The following LOXL4 variants were observed in gnomAD, a reference collection of about 807,000 sequenced individuals.
The protein encoded by LOXL4 is lysyl oxidase like 4, also known as lysyl oxidase homolog 4.
A neutral mutation model predicts 89.1 loss-of-function variants in LOXL4; 72 were observed. The ratio of observed to expected loss-of-function variants is 0.81; its 90% CI spans 0.67 to 0.98. LOXL4 has a LOEUF of 0.98. Among genes scored for constraint, LOXL4 ranks in the 50% least tolerant of loss-of-function variants. The pLI is 0.00. For synonymous variants in LOXL4, 355 were observed against 392.1 expected (o/e 0.91, Z 1.12); for missense variants, 984 against 1,017.5 (o/e 0.97, Z 0.45).
chr10:98,248,959 G>C lies in LOXL4; in HGVS notation c.2233C>G (p.Leu745Val). The C allele has an allele frequency of 6.2e-7, 1 of 1,614,038 alleles. No homozygotes were observed. The highest frequency in any genetic ancestry group is 8.5e-7 in the Non-Finnish European group (1 of 1,180,004). ...NSYPANAELS[L>V]EQEQRLRNNL... ...TTCCTGAGACGCTGTTCCTGCTCCA[G>C]GGAGAGTTCTGCATTGGCTGGGTAT... Residue 745 changes from leucine to valine, a missense_variant, in exon 15 of 15, where the codon CTG becomes GTG. Physicochemically the swap from Leu to Val is conservative, Grantham distance 32. Transcript: ENST00000260702.
Position 98,253,629 on chromosome 10 carries a change from G to C in LOXL4, c.1759C>G (p.Gln587Glu). 2 of 1,614,210 alleles carry C rather than the reference G, an allele frequency of 1.2e-6. No homozygotes were observed. Among genetic ancestry groups the C allele is most frequent in the East Asian group, 2.2e-5 (1 of 44,882 alleles). The change falls in exon 11 of 15, where the codon CAG becomes GAG. Residue 587 changes from glutamine (Q) to glutamate (E), a missense_variant. Transcript: ENST00000260702. ...TCAGTCCGGCCCAGATTGTAGATCT[G>C]TGTGGAGAAGCGCAATAGGCGGCGG... ...GYRRLLRFST[Q>E]IYNLGRTDFR...
Position 98,263,057 on chromosome 10 carries a change from G to A in LOXL4, c.-32-6C>T. 1 of 1,601,982 alleles carries A rather than the reference G, an allele frequency of 6.2e-7. No individual in the cohort carries two copies. On this transcript the variant is annotated splice_region_variant and splice_polypyrimidine_tract_variant and intron_variant, in intron 1 of 14. Transcript: ENST00000260702. ...GACAGCTGAGGCCAAGATACCTGAG[G>A]AATGAGTAAACATGACAGTGATCAC...
rs779842168 is a variant in LOXL4 at position 98,262,110 on chromosome 10, G to A, written c.381C>T (p.Asp127=). 8 of 1,613,198 alleles carry A rather than the reference G, an allele frequency of 5.0e-6. No individual in the cohort carries two copies. The highest frequency in any genetic ancestry group is 2.2e-5 in the South Asian group (2 of 91,036). The change falls in exon 3 of 15, where the codon GAC becomes GAT. Residue 127 remains aspartate, a synonymous_variant. Transcript: ENST00000260702. ...WGVSDCSHSE[D]VGVICHPRRH... ...GCCGGGGGTGGCATATCACCCCTAC[G>A]TCTTCTGAGTGACTGCAGTCACTGA...
intron 2 of LOXL4, 93 bp from the exon 3 acceptor site, chr10:98,262,306 C>G: frequency 3.0e-6 from 4 of 1,346,396 alleles, no homozygotes; most frequent in Non-Finnish European, 4.1e-6. Flanking sequence ...CAAGTCACCT[C>G]TTCCAAACCC....
intron 10 of LOXL4, among the ~76,000 whole-genome samples, chr10:98,255,189 T>A (rs1858320299): frequency 6.6e-6 from 1 of 152,226 alleles, no homozygotes; most frequent in African/African-American, 2.4e-5. Context: ...GCTTTCAAAC[T>A]GCTTTTCTGA....
Position 98,259,094 on chromosome 10 carries a change from C to A in LOXL4, c.836G>T (p.Gly279Val), listed in dbSNP as rs1459580051. ...RGKLRPACPG[G>V]MHAVVSCVAG... ...CACACAGCTGACCACAGCGTGCATG[C>A]CACCTGGGCAGGCTGGCCGCAGCTT... is the stretch of plus-strand genomic sequence containing the variant. Residue 279 changes from glycine to valine, a missense_variant, in exon 6 of 15, where the codon GGC (glycine) becomes GTC (valine). Coordinates refer to ENST00000260702, the MANE Select transcript of LOXL4 (RefSeq NM_032211.7). The A allele has an allele frequency of 6.3e-7, 1 of 1,599,984 alleles. No homozygotes were observed. Among genetic ancestry groups the A allele is most frequent in the African/African-American group, 1.3e-5 (1 of 74,832 alleles).
intron 11 of LOXL4, among the ~76,000 whole-genome samples, chr10:98,252,785 C>T (rs796716551): frequency 1.3e-5 from 2 of 152,160 alleles, no homozygotes; most frequent in Non-Finnish European, 2.9e-5. Context: ...GGCGGGGCAC[C>T]GGGTCTGTGA....
chr10:98,266,356 C>T (rs1858688439), intron 1 of LOXL4, among the ~76,000 whole-genome samples: 1 of 152,214 alleles, frequency 6.6e-6, no homozygotes, highest in African/African-American at 2.4e-5. Flanking sequence ...GGGGGTGGCA[C>T]TAGACAGCCC....
At position 98,248,937 on chromosome 10, in the gene LOXL4, C is replaced by G. The variant is rs200213822; in HGVS notation, c.2255G>C (p.Arg752Thr). The change falls in exon 15 of 15, where the codon AGG becomes ACG. Residue 752 changes from arginine to threonine, a missense_variant. Arg to Thr is a moderately conservative substitution (Grantham distance 71, BLOSUM62 -1). Coordinates refer to ENST00000260702, the MANE Select transcript of LOXL4 (RefSeq NM_032211.7). ...GTGACAGCTTCAGATGAGGTTGTTC[C>G]TGAGACGCTGTTCCTGCTCCAGGGA... ...ELSLEQEQRL[R>T]NNLI 47 of 1,613,706 alleles carry G rather than the reference C, an allele frequency of 2.9e-5. No individual in the cohort carries two copies. Among genetic ancestry groups the G allele is most frequent in the South Asian group, 7.7e-5 (7 of 90,902 alleles).
chr10:98,256,723 T>C (rs1473824622), intron 9 of LOXL4, 57 bp downstream of exon 9: 3 of 1,601,376 alleles, frequency 1.9e-6, no homozygotes, highest in African/African-American at 2.7e-5. Context: ...CAGGAAGTTT[T>C]GGGCCTCAGA....
chr10:98,250,490 T>A (rs1473002059), intron 14 of LOXL4, among the ~76,000 whole-genome samples: 1 of 152,194 alleles, frequency 6.6e-6, no homozygotes, highest in African/African-American at 2.4e-5. Context: ...GCATATCCCA[T>A]AGCAAATATG....
At position 98,260,907 on chromosome 10, in the gene LOXL4, C is replaced by T; in HGVS notation, c.662+15G>A. 6.3e-7 allele frequency: 1 copy of T among 1,596,970 alleles called. No homozygotes were observed. The highest frequency in any genetic ancestry group is 8.5e-7 in the Non-Finnish European group (1 of 1,171,928). ...ACCCTGCCTCCTGTGGGGCCTACGCCAGCCGCCCTCCTACCTGTAGTAGTG... is the reference window on the plus strand; with the variant it reads ...ACCCTGCCTCCTGTGGGGCCTACGCTAGCCGCCCTCCTACCTGTAGTAGTG... On this transcript the variant is annotated intron_variant, in intron 4 of 14. Coordinates refer to ENST00000260702, the MANE Select transcript of LOXL4 (RefSeq NM_032211.7).
intron 4 of LOXL4, 106 bp downstream of exon 4, chr10:98,260,816 C>T: frequency 8.3e-7 from 1 of 1,209,572 alleles, no homozygotes; most frequent in South Asian, 1.4e-5. Context: ...AGTCCACACT[C>T]AGACTCATGC....
chr10:98,262,713 C>T lies in LOXL4; in HGVS notation c.277+30G>A, dbSNP rs757517720. On this transcript the variant is annotated intron_variant, in intron 2 of 14. Transcript: ENST00000260702. ...CAAGAAGACTGTTACCATCTCCTTG[C>T]CATCCCACTAGGTGGCACCAGTCAC... The T allele has an allele frequency of 1.1e-5, 18 of 1,596,546 alleles. No individual in the cohort carries two copies. In the South Asian group the frequency reaches 1.9e-4, roughly 17 times the overall value.
Position 98,251,689 on chromosome 10 carries a change from G to A in LOXL4, c.1965C>T (p.Arg655=), listed in dbSNP as rs1322985435. The A allele has an allele frequency of 6.2e-7, 1 of 1,614,236 alleles. No homozygotes were observed. Among genetic ancestry groups the A allele is most frequent in the Non-Finnish European group, 8.5e-7 (1 of 1,180,048 alleles). The change falls in exon 13 of 15, where the codon CGC becomes CGT. Residue 655 remains arginine (R), a synonymous_variant. Coordinates refer to ENST00000260702, the MANE Select transcript of LOXL4 (RefSeq NM_032211.7). Reference sequence around the variant, plus strand: ...GTTCTCCAAAGTTGGCACATGCGTAGCGCCGCTGCAGTCCTGTAAGGAAGG... The same window carrying A: ...GTTCTCCAAAGTTGGCACATGCGTAACGCCGCTGCAGTCCTGTAAGGAAGG... ...DTNCPTGLQR[R]YACANFGEQG...
Position 98,251,080 on chromosome 10 carries a change from G to A in LOXL4, c.2185C>T (p.His729Tyr). ...TCGGAGTTACCTGTGTGGCAGTTGT[G>A]CAGCCAGACCCGGTGCCCATCATAC... ...CKYDGHRVWL[H>Y]NCHTGNSYPA... is the part of the protein sequence containing the mutation. The change falls in exon 14 of 15, where the codon CAC becomes TAC. Residue 729 changes from histidine to tyrosine, a missense_variant. By Grantham distance (83) the His-to-Tyr change is moderately conservative. Coordinates refer to ENST00000260702, the MANE Select transcript of LOXL4 (RefSeq NM_032211.7). 2 of 1,613,812 alleles carry A rather than the reference G, an allele frequency of 1.2e-6. No homozygotes were observed. Among genetic ancestry groups the A allele is most frequent in the Non-Finnish European group, 1.7e-6 (2 of 1,179,748 alleles).
intron 10 of LOXL4, 24 bp downstream of exon 10, chr10:98,255,553 C>T (rs1858332948): frequency 3.2e-6 from 5 of 1,585,698 alleles, no homozygotes; most frequent in African/African-American, 1.3e-5. Flanking sequence ...CTGTCCCCAG[C>T]CCTGTGAGCC....
chr10:98,260,778 G>T, intron 4 of LOXL4, 144 bp downstream of exon 4: 2 of 815,188 alleles, frequency 2.5e-6, no homozygotes. Context: ...ACACTCGCCT[G>T]TGTGCATACT....
At position 98,255,652 on chromosome 10, in the gene LOXL4, G is replaced by C. The variant is rs756792392; in HGVS notation, c.1516C>G (p.Gln506Glu). ...TGCACCGGCCCGTGCCTCTGGCACT[G>C]CTGCAGGGCCAGCTCTGTGCCTGAG... ...RCSGTELALQ[Q>E]CQRHGPVHCS... The change falls in exon 10 of 15, where the codon CAG (glutamine) becomes GAG (glutamate). Residue 506 changes from glutamine to glutamate, a missense_variant. Gln to Glu is a conservative substitution (Grantham distance 29). Transcript: ENST00000260702. 6.2e-7 allele frequency: 1 copy of C among 1,613,686 alleles called. No homozygotes were observed. Among genetic ancestry groups the C allele is most frequent in the South Asian group, 1.1e-5 (1 of 91,076 alleles).
Sources: allele counts gnomAD v4.1 joint callset (sites outside exome capture counted in the v4.1 genomes callset), GRCh38; gene constraint gnomAD v4.1.1; transcripts MANE v1.5; gene names NCBI Gene and HGNC (gene_info 2026-07-23, HGNC 2026-07-21).